Variants in ARMC9 observed in about 807,000 individuals in gnomAD.
ARMC9 encodes lisH domain-containing protein ARMC9.
Under a neutral mutation model 107.0 loss-of-function variants are expected in ARMC9, and 94 were observed. The ratio of observed to expected loss-of-function variants is 0.88; its 90% CI spans 0.74 to 1.04. ARMC9 has a LOEUF of 1.04. Among genes scored for constraint, ARMC9 ranks in the 50% least tolerant of loss-of-function variants. The probability of loss-of-function intolerance (pLI) is 0.00; values close to 1 mark genes in which losing one functional copy is unlikely to be tolerated. For synonymous variants in ARMC9, 380 were observed against 396.9 expected, an observed-to-expected ratio of 0.96 and a Z score of 0.51; for missense variants, 942 against 1,030.1, an observed-to-expected ratio of 0.91 and a Z score of 1.17.
intron 13 of ARMC9, among the ~76,000 whole-genome samples, 196 bp downstream of exon 13, chr2:231,271,268 GT>G (rs767403541): frequency 1.3e-5 from 2 of 152,138 alleles, no homozygotes; most frequent in Admixed American, 6.5e-5. Flanking sequence ...CATTTGGACA[GT>G]TTTTGGGGTT....
chr2:231,209,795 C>T (rs1418171800), intron 3 of ARMC9, among the ~76,000 whole-genome samples: 1 of 152,102 alleles, frequency 6.6e-6, no homozygotes, highest in African/African-American at 2.4e-5. Flanking sequence ...CTCAGCCTTC[C>T]AAAGTGCTGG....
chr2:231,364,690 C>T (rs746022215), intron 23 of ARMC9, among the ~76,000 whole-genome samples: 9 of 151,882 alleles, frequency 5.9e-5, no homozygotes, highest in Non-Finnish European at 7.4e-5. Context: ...CCCAGCTACT[C>T]GGGAAGCTGA....
chr2:231,280,403 A>G (rs2040118488), intron 16 of ARMC9, among the ~76,000 whole-genome samples: 1 of 152,188 alleles, frequency 6.6e-6, no homozygotes, highest in Admixed American at 6.5e-5. Flanking sequence ...GGTTGTAGTG[A>G]GCTGAGATTG....
In ARMC9 at chr2:231,372,735, TGTGTGTGTGTGTGTGTGTGTATGA is replaced by T. The variant is rs1284054484; in HGVS notation, c.*1205_*1228del. The T allele has an allele frequency of 7.4e-4, 79 of 107,294 alleles. No individual in the cohort carries two copies. Among genetic ancestry groups the T allele is most frequent in the African/African-American group, 6.0e-3 (59 of 9,812 alleles). 6.6% of individuals were successfully genotyped at this position (107,294 alleles called of 1,614,324 possible). On this transcript the variant is annotated 3_prime_UTR_variant, in exon 25 of 25. Coordinates refer to ENST00000611582, the MANE Select transcript of ARMC9 (RefSeq NM_001352754.2). Reference sequence around the variant, plus strand: ...GTGTGTGTGTGTGTGTGTGTGTGTGTGTGTGTGTGTGTGTGTGTGTATGAGTGTATGAAGGGAAATGGAAAGCAG... The same window carrying T: ...GTGTGTGTGTGTGTGTGTGTGTGTGTGTGTATGAAGGGAAATGGAAAGCAG...
intron 21 of ARMC9, among the ~76,000 whole-genome samples, chr2:231,354,790 A>G (rs181709313): frequency 4.9e-4 from 75 of 152,312 alleles, no homozygotes; most frequent in Non-Finnish European, 8.7e-4. Context: ...TAGGTGGCCC[A>G]TATCTCCTTG....
At chr2:231,238,487 C>T (rs899765929) in intron 8 of ARMC9, among the ~76,000 whole-genome samples, 7 of 152,128 alleles carry the variant, frequency 4.6e-5, no homozygotes, top group Admixed American at 2.0e-4. Context: ...GTAGCTAGGA[C>T]TACAGGTGTG....
intron 21 of ARMC9, among the ~76,000 whole-genome samples, chr2:231,354,221 C>G (rs1037073532): frequency 1.1e-4 from 15 of 134,726 alleles, no homozygotes; most frequent in African/African-American, 4.2e-4. Flanking sequence ...CACTTGAGCT[C>G]AGTTCAAAAC....
chr2:231,265,937 G>T (rs2038817963), intron 12 of ARMC9, among the ~76,000 whole-genome samples: 1 of 151,588 alleles, frequency 6.6e-6, no homozygotes, highest in Non-Finnish European at 1.5e-5. Context: ...GACTGGGGTT[G>T]CAGTAAGCTG....
intron 16 of ARMC9, among the ~76,000 whole-genome samples, chr2:231,279,511 C>CTTTTTTTTTTTTTTTTTTTTTTT (rs57779512): frequency 8.0e-6 from 1 of 124,804 alleles, no homozygotes; most frequent in Non-Finnish European, 1.6e-5. Context: ...TTTCTTTTTT[C>CTTTTTTTTTTTTTTTTTTTTTTT]TTTTTTTTTT....
intron 9 of ARMC9, among the ~76,000 whole-genome samples, chr2:231,253,056 T>C (rs1341333674): frequency 6.6e-6 from 1 of 152,186 alleles, no homozygotes; most frequent in African/African-American, 2.4e-5. Flanking sequence ...TATAAAAACA[T>C]ACATGCATGG....
intron 16 of ARMC9, among the ~76,000 whole-genome samples, chr2:231,281,368 G>T (rs894138838): frequency 6.6e-6 from 1 of 152,124 alleles, no homozygotes; most frequent in Non-Finnish European, 1.5e-5. Flanking sequence ...GCCTGGTGGG[G>T]GGCATCCCTT....
At chr2:231,216,840 T>C (rs1405222461) in intron 5 of ARMC9, 47 bp downstream of exon 5, 2 of 1,567,898 alleles carry the variant, frequency 1.3e-6, no homozygotes, top group Admixed American at 3.9e-5. Context: ...GGTGACATTG[T>C]GGTTTTACCT....
intron 14 of ARMC9, among the ~76,000 whole-genome samples, chr2:231,275,761 C>T (rs1194065336): frequency 6.6e-6 from 1 of 152,196 alleles, no homozygotes; most frequent in East Asian, 1.9e-4. Flanking sequence ...CGAGACCAGC[C>T]TGGCCAACAT....
chr2:231,246,305 C>T (rs562264015), intron 9 of ARMC9, among the ~76,000 whole-genome samples: 4 of 152,074 alleles, frequency 2.6e-5, no homozygotes, highest in African/African-American at 9.7e-5. Flanking sequence ...ATCTCATCAC[C>T]CAGGTAGTGA....
Position 231,273,095 on chromosome 2 carries a change from A to T in ARMC9, c.1334+17A>T, listed in dbSNP as rs372220387. ...CAGTCTCAGGTAACGACTGTGCAAT[A>T]GGTCACGGTGTCTCCTGTGAGATCA... On this transcript the variant is annotated intron_variant, in intron 14 of 24. Coordinates refer to ENST00000611582, the MANE Select transcript of ARMC9 (RefSeq NM_001352754.2). The T allele has an allele frequency of 2.5e-6, 4 of 1,609,928 alleles. No homozygotes were observed. The highest frequency in any genetic ancestry group is 1.1e-5 in the South Asian group (1 of 90,608).
intron 1 of ARMC9, among the ~76,000 whole-genome samples, chr2:231,200,053 C>G (rs1395956507): frequency 6.6e-6 from 1 of 152,168 alleles, no homozygotes; most frequent in African/African-American, 2.4e-5. Flanking sequence ...CACTCACATT[C>G]AATGACAGTT....
chr2:231,295,614 A>G (rs931161844), intron 18 of ARMC9: 4 of 152,396 alleles, frequency 2.6e-5, no homozygotes, highest in African/African-American at 9.6e-5. Context: ...TGTGCTACCA[A>G]CTTACTGCTC....
At chr2:231,328,819 C>CTTTTTTTTTTT (rs781598910) in intron 19 of ARMC9, among the ~76,000 whole-genome samples, 2 of 115,238 alleles carry the variant, frequency 1.7e-5, no homozygotes, top group African/African-American at 6.2e-5. Context: ...CTTTTCTTTT[C>CTTTTTTTTTTT]TTTTTTTTTT....
chr2:231,348,578 A>T (rs1052094589), intron 21 of ARMC9, among the ~76,000 whole-genome samples: 1 of 152,238 alleles, frequency 6.6e-6, no homozygotes, highest in Non-Finnish European at 1.5e-5. Flanking sequence ...GCAAAAATGA[A>T]CAAATGGGAT....
Sources: allele counts gnomAD v4.1 joint callset (sites outside exome capture counted in the v4.1 genomes callset), GRCh38; gene constraint gnomAD v4.1.1; transcripts MANE v1.5; gene names NCBI Gene and HGNC (gene_info 2026-07-23, HGNC 2026-07-21).